The following CCSER1 variants were observed in gnomAD, a reference collection of about 807,000 sequenced individuals.
The protein encoded by CCSER1 is serine-rich coiled-coil domain-containing protein 1.
Under a neutral mutation model 82.0 loss-of-function variants are expected in CCSER1, and 41 were observed. The ratio of observed to expected loss-of-function variants is 0.50; its 90% CI spans 0.39 to 0.65. The LOEUF (loss-of-function observed/expected upper bound fraction) is 0.65, where lower values mean the gene tolerates loss of function less well. CCSER1 is among the 30% of genes least tolerant of loss of function. CCSER1 has a pLI of 0.00. For synonymous variants in CCSER1, 414 were observed against 383.9 expected (o/e 1.08, Z -0.92); for missense variants, 1,119 against 1,064.2 (o/e 1.05, Z -0.72).
At chr4:90,311,217 A>G (rs1177380340) in intron 2 of CCSER1, among the ~76,000 whole-genome samples, 1 of 152,102 alleles carries the variant, frequency 6.6e-6, no homozygotes, top group Non-Finnish European at 1.5e-5. Flanking sequence ...AGGAAGTTTT[A>G]AAATTATATA....
At chr4:91,245,781 C>T (rs183292670) in intron 10 of CCSER1, among the ~76,000 whole-genome samples, 2 of 152,332 alleles carry the variant, frequency 1.3e-5, no homozygotes, top group African/African-American at 4.8e-5. Flanking sequence ...ACTGTAACCT[C>T]TGCCTCCCAG....
intron 3 of CCSER1, among the ~76,000 whole-genome samples, chr4:90,334,543 AC>A (rs1740001890): frequency 1.4e-5 from 2 of 138,388 alleles, no homozygotes; most frequent in South Asian, 5.1e-4. Flanking sequence ...TGTTTGAGAT[AC>A]TTTGCTGCCA....
intron 9 of CCSER1, among the ~76,000 whole-genome samples, chr4:91,080,052 C>G (rs551701465): frequency 2.0e-4 from 31 of 152,282 alleles, no homozygotes; most frequent in African/African-American, 7.2e-4. Context: ...GAACTCAGCT[C>G]TGCACCAAGC....
chr4:90,904,373 T>C (rs1725132415), intron 8 of CCSER1, among the ~76,000 whole-genome samples: 1 of 152,190 alleles, frequency 6.6e-6, no homozygotes, highest in Non-Finnish European at 1.5e-5. Context: ...AAACCTCTGC[T>C]ATTTCTCTGT....
intron 1 of CCSER1, among the ~76,000 whole-genome samples, chr4:90,290,546 AC>A (rs1241397607): frequency 6.6e-6 from 1 of 151,922 alleles, no homozygotes; most frequent in African/African-American, 2.4e-5. Flanking sequence ...CTCAGATCCT[AC>A]ATAAGTACTT....
At chr4:90,324,986 C>T (rs114611895) in intron 3 of CCSER1, among the ~76,000 whole-genome samples, 2,219 of 152,200 alleles carry the variant, frequency 0.015, 67 homozygotes, top group African/African-American at 0.05. Flanking sequence ...GTTGTATATA[C>T]GTGGCGTTAT....
At chr4:90,745,216 T>C (rs1747214610) in intron 7 of CCSER1, among the ~76,000 whole-genome samples, 1 of 152,168 alleles carries the variant, frequency 6.6e-6, no homozygotes. Context: ...CCTGCATTAC[T>C]GGGCTTTGTA....
intron 5 of CCSER1, among the ~76,000 whole-genome samples, chr4:90,487,979 A>G (rs2153602521): frequency 6.6e-6 from 1 of 152,208 alleles, no homozygotes; most frequent in Middle Eastern, 3.4e-3. Context: ...AGAAGTCAAC[A>G]CTTAGTAGAT....
At chr4:90,823,965 T>C (rs1760110054) in intron 8 of CCSER1, among the ~76,000 whole-genome samples, 1 of 152,006 alleles carries the variant, frequency 6.6e-6, no homozygotes, top group Non-Finnish European at 1.5e-5. Context: ...TTTCTGGCCA[T>C]TATTAATATT....
rs1456482825 is a variant in CCSER1 at position 90,875,741 on chromosome 4, A to G, written c.2095-47629A>G. On this transcript the variant is annotated intron_variant, in intron 8 of 10. Transcript: ENST00000509176. Reference sequence around the variant, plus strand: ...GATGCATTATGCCACAAATGTTTCAACAGCTTGACTAAGATGAGCCATACT... The same window carrying G: ...GATGCATTATGCCACAAATGTTTCAGCAGCTTGACTAAGATGAGCCATACT... 2.0e-5 allele frequency among the ~76,000 whole-genome samples: 3 copies of G among 152,208 alleles called. No individual in the cohort carries two copies. The East Asian group carries it at 5.8e-4, about 29-fold the overall frequency.
intron 10 of CCSER1, among the ~76,000 whole-genome samples, chr4:91,188,367 T>C (rs1298715984): frequency 2.0e-5 from 3 of 152,206 alleles, no homozygotes; most frequent in Non-Finnish European, 4.4e-5. Context: ...TCTTGGGCAA[T>C]TGTATCCTAA....
intron 10 of CCSER1, among the ~76,000 whole-genome samples, chr4:91,583,536 G>A (rs534813363): frequency 6.6e-5 from 10 of 151,424 alleles, no homozygotes; most frequent in South Asian, 2.1e-4. Context: ...AAGGACACAC[G>A]CAGATTTTCT....
At chr4:91,529,344 G>C (rs1313590101) in intron 10 of CCSER1, among the ~76,000 whole-genome samples, 1 of 152,058 alleles carries the variant, frequency 6.6e-6, no homozygotes, top group African/African-American at 2.4e-5. Flanking sequence ...TTTGTTTACT[G>C]CAAGACCCAT....
intron 1 of CCSER1, among the ~76,000 whole-genome samples, chr4:90,257,890 G>C (rs1171935216): frequency 2.0e-5 from 3 of 152,118 alleles, no homozygotes; most frequent in African/African-American, 7.2e-5. Context: ...ACTCATATTG[G>C]AGAAGGCAAT....
rs576105662 is a variant in CCSER1 at position 90,340,191 on chromosome 4, C to T, written c.1509+27144C>T. 3.9e-5 allele frequency among the ~76,000 whole-genome samples: 6 copies of T among 152,222 alleles called. No individual in the cohort carries two copies. The South Asian group carries it at 1.2e-3, about 32-fold the overall frequency. On this transcript the variant is annotated intron_variant, in intron 3 of 10. Transcript: ENST00000509176. ...AAAGTTCTGAATTACATATTAATTT[C>T]TCTTTTGGCCTCACAGTAGGAGGAT...
intron 10 of CCSER1, among the ~76,000 whole-genome samples, chr4:91,354,334 A>G (rs758760923): frequency 6.6e-5 from 10 of 152,204 alleles, no homozygotes; most frequent in Non-Finnish European, 1.2e-4. Flanking sequence ...ACCTGTTTTT[A>G]TCGGCAGTAA....
chr4:91,107,079 A>C (rs1725688917), intron 10 of CCSER1, among the ~76,000 whole-genome samples: 1 of 152,170 alleles, frequency 6.6e-6, no homozygotes, highest in Admixed American at 6.5e-5. Flanking sequence ...ATACACAAAT[A>C]TTTAACACTG....
intron 4 of CCSER1, among the ~76,000 whole-genome samples, chr4:90,465,652 A>G (rs1436258168): frequency 6.6e-6 from 1 of 152,204 alleles, no homozygotes; most frequent in Non-Finnish European, 1.5e-5. Context: ...ACACATTATT[A>G]TTTATGTGCT....
intron 4 of CCSER1, among the ~76,000 whole-genome samples, chr4:90,423,864 G>T (rs2153562259): frequency 6.6e-6 from 1 of 151,776 alleles, no homozygotes; most frequent in Middle Eastern, 3.4e-3. Context: ...AGCACTTTGG[G>T]AGGTCAAGGT....
Sources: gnomAD v4.1 joint callset for allele counts (sites outside exome capture counted in the v4.1 genomes callset) on GRCh38, gnomAD v4.1.1 for gene constraint, MANE v1.5 for transcripts, NCBI Gene and HGNC (gene_info 2026-07-23, HGNC 2026-07-21) for gene names.